ZDHHC17: variants seen among roughly 807,000 people sequenced by gnomAD.
The protein encoded by ZDHHC17 is zDHHC palmitoyltransferase 17, also known as palmitoyltransferase ZDHHC17.
ZDHHC17 carries 40 observed loss-of-function variants against 90.3 expected under a neutral mutation model. The ratio of observed to expected loss-of-function variants is 0.44; its 90% CI spans 0.34 to 0.58. The LOEUF (loss-of-function observed/expected upper bound fraction) is 0.58. Ranked by LOEUF, ZDHHC17 falls within the 20% of genes least tolerant of loss-of-function variation. The pLI is 0.01. For missense variants in ZDHHC17, 614 were observed against 780.8 expected, an observed-to-expected ratio of 0.79 and a Z score of 2.55; for synonymous variants, 235 against 252.4, an observed-to-expected ratio of 0.93 and a Z score of 0.65.
intron 10 of ZDHHC17, among the ~76,000 whole-genome samples, chr12:76,833,239 A>T (rs1161730381): frequency 6.6e-6 from 1 of 152,118 alleles, no homozygotes; most frequent in African/African-American, 2.4e-5. Flanking sequence ...TTTTCCAAAT[A>T]ATTATTTGAT....
chr12:76,766,834 A>G (rs1260711383), intron 1 of ZDHHC17, among the ~76,000 whole-genome samples: 2 of 152,062 alleles, frequency 1.3e-5, no homozygotes, highest in African/African-American at 4.8e-5. Context: ...ATCCTGGGCA[A>G]CATGGCAAAA....
At chr12:76,788,925 G>A (rs1346145641) in intron 1 of ZDHHC17, among the ~76,000 whole-genome samples, 2 of 151,870 alleles carry the variant, frequency 1.3e-5, no homozygotes, top group Non-Finnish European at 2.9e-5. Context: ...TCAAGCTCCC[G>A]ACCTCAGGTG....
At chr12:76,793,261 C>T (rs1188288942) in intron 1 of ZDHHC17, among the ~76,000 whole-genome samples, 2 of 152,190 alleles carry the variant, frequency 1.3e-5, no homozygotes, top group East Asian at 3.9e-4. Flanking sequence ...TGGCTCCTGC[C>T]TGTAATCCCA....
intron 1 of ZDHHC17, among the ~76,000 whole-genome samples, chr12:76,784,330 T>C (rs1952662061): frequency 6.6e-6 from 1 of 152,182 alleles, no homozygotes; most frequent in African/African-American, 2.4e-5. Flanking sequence ...ACATGAATTC[T>C]ACTAAAATTG....
rs181043450 is a variant in ZDHHC17 at position 76,796,103 on chromosome 12, C to T, written c.94-1331C>T. ...AACAAATTAGTTTTAGAACTTTCCA[C>T]AAAATTTGAATGGCTAGAGTAAGCT... On this transcript the variant is annotated intron_variant, in intron 1 of 16. Transcript: ENST00000426126. 1.0e-3 allele frequency among the ~76,000 whole-genome samples: 153 copies of T among 152,206 alleles called. 1 individual carries two copies. The highest frequency in any genetic ancestry group is 3.5e-3 in the African/African-American group (145 of 41,546).
chr12:76,765,276 C>T (rs1226582835), intron 1 of ZDHHC17, among the ~76,000 whole-genome samples: 2 of 152,134 alleles, frequency 1.3e-5, no homozygotes, highest in Admixed American at 6.5e-5. Context: ...TGGAGTGATT[C>T]TGTTTTTTTC....
rs1953577345 is a variant in ZDHHC17, at chr12:76,852,358, A to T, written c.*1373A>T. 6.6e-6 allele frequency: 1 copy of T among 152,664 alleles called. No individual in the cohort carries two copies. Among genetic ancestry groups the T allele is most frequent in the Admixed American group, 6.5e-5 (1 of 15,282 alleles). The allele number at this position is 152,664 out of a possible 1,614,324, so 9.5% of individuals were successfully genotyped here. Reference sequence around the variant, plus strand: ...TGACAGATCCTAGACCAATGTAAAGAATGTGTATCTGTATATAAATAATTT... The same window carrying T: ...TGACAGATCCTAGACCAATGTAAAGTATGTGTATCTGTATATAAATAATTT... On this transcript the variant is annotated 3_prime_UTR_variant, in exon 17 of 17. Coordinates refer to ENST00000426126, the MANE Select transcript of ZDHHC17 (RefSeq NM_015336.4).
chr12:76,812,115 G>A (rs1953031552), intron 5 of ZDHHC17, among the ~76,000 whole-genome samples: 1 of 152,022 alleles, frequency 6.6e-6, no homozygotes, highest in African/African-American at 2.4e-5. Context: ...AAACACTTCT[G>A]GTCCCAAGCA....
chr12:76,797,465 G>T lies in ZDHHC17; in HGVS notation c.125G>T (p.Gly42Val), dbSNP rs762423098. 1 of 1,610,028 alleles carries T rather than the reference G, an allele frequency of 6.2e-7. No homozygotes were observed. Among genetic ancestry groups the T allele is most frequent in the Non-Finnish European group, 8.5e-7 (1 of 1,177,958 alleles). ...EIKPQSHYNH[G>V]YGEPLGRKTH... is the part of the protein sequence containing the mutation. ...AAACCCCAAAGCCATTATAACCATG[G>T]ATATGGTGAACCTCTTGGACGGAAA... Residue 42 changes from glycine to valine, a missense_variant, in exon 2 of 17, where the codon GGA becomes GTA. Around this residue, in one of 5 missense-constraint regions of ZDHHC17, gnomAD observed 358 missense variants for 380.4 expected, o/e 0.94. Coordinates refer to ENST00000426126, the MANE Select transcript of ZDHHC17 (RefSeq NM_015336.4).
intron 3 of ZDHHC17, among the ~76,000 whole-genome samples, chr12:76,807,188 T>G (rs1003488578): frequency 6.6e-6 from 1 of 152,230 alleles, no homozygotes; most frequent in African/African-American, 2.4e-5. Flanking sequence ...TTTAACATTA[T>G]GGTGTACAAA....
At chr12:76,770,601 G>T (rs1023125324) in intron 1 of ZDHHC17, among the ~76,000 whole-genome samples, 1 of 152,118 alleles carries the variant, frequency 6.6e-6, no homozygotes, top group Non-Finnish European at 1.5e-5. Context: ...GGTTGTAAGG[G>T]TATGTTAAGG....
intron 16 of ZDHHC17, among the ~76,000 whole-genome samples, chr12:76,849,955 C>G (rs1268820843): frequency 1.3e-5 from 2 of 152,114 alleles, no homozygotes; most frequent in African/African-American, 4.8e-5. Context: ...GAGTCTTGCT[C>G]TGTCACCCAG....
At chr12:76,800,639 T>C (rs1284721143) in intron 2 of ZDHHC17, among the ~76,000 whole-genome samples, 1 of 152,226 alleles carries the variant, frequency 6.6e-6, no homozygotes, top group Non-Finnish European at 1.5e-5. Flanking sequence ...TTAAAGTTTA[T>C]TGTCTGATAT....
At chr12:76,849,990 G>A (rs1316904961) in intron 16 of ZDHHC17, among the ~76,000 whole-genome samples, 1 of 151,690 alleles carries the variant, frequency 6.6e-6, no homozygotes, top group Non-Finnish European at 1.5e-5. Context: ...GCATGATCTC[G>A]GCTCACTGCT....
intron 5 of ZDHHC17, among the ~76,000 whole-genome samples, chr12:76,810,644 T>G (rs1488409508): frequency 6.6e-6 from 1 of 152,130 alleles, no homozygotes; most frequent in African/African-American, 2.4e-5. Context: ...GCAGTGGCAG[T>G]TGTGTTGTGC....
intron 10 of ZDHHC17, among the ~76,000 whole-genome samples, chr12:76,837,325 G>A (rs1953378348): frequency 6.6e-6 from 1 of 151,910 alleles, no homozygotes; most frequent in African/African-American, 2.4e-5. Flanking sequence ...GTAGAGACAG[G>A]GTCTACAAAA....
At chr12:76,783,988 C>G (rs1952657270) in intron 1 of ZDHHC17, among the ~76,000 whole-genome samples, 1 of 152,222 alleles carries the variant, frequency 6.6e-6, no homozygotes, top group South Asian at 2.1e-4. Context: ...TGTGGCCCTA[C>G]TGACATTTTG....
chr12:76,800,603 C>A (rs1438390851), intron 2 of ZDHHC17, among the ~76,000 whole-genome samples: 1 of 152,086 alleles, frequency 6.6e-6, no homozygotes, highest in Non-Finnish European at 1.5e-5. Context: ...TATGTAATGT[C>A]TTTGTCTTTT....
intron 1 of ZDHHC17, among the ~76,000 whole-genome samples, chr12:76,776,112 T>TG (rs972085259): frequency 3.3e-5 from 5 of 151,524 alleles, no homozygotes; most frequent in Non-Finnish European, 5.9e-5. Context: ...AGGGTACAGG[T>TG]GGAAAAAAAA....
Sources: gnomAD v4.1 joint callset for allele counts (sites outside exome capture counted in the v4.1 genomes callset) on GRCh38, gnomAD v4.1.1 for gene constraint, gnomAD v4.1.1 regional missense constraint, MANE v1.5 for transcripts, NCBI Gene and HGNC (gene_info 2026-07-23, HGNC 2026-07-21) for gene names.